CFAP299: variants seen among roughly 807,000 people sequenced by gnomAD.
CFAP299 encodes the protein cilia- and flagella-associated protein 299.
Under a neutral mutation model 27.0 loss-of-function variants are expected in CFAP299, and 21 were observed. That is an observed-to-expected ratio of 0.78 (90% confidence interval 0.55 to 1.12). CFAP299 has a LOEUF of 1.12. Ranked by LOEUF, CFAP299 falls within the 50% of genes most tolerant of loss-of-function variation. The probability of loss-of-function intolerance (pLI) is 0.00; values close to 1 mark genes in which losing one functional copy is unlikely to be tolerated. For missense variants in CFAP299, 310 were observed against 276.6 expected, an observed-to-expected ratio of 1.12 and a Z score of -0.86; for synonymous variants, 104 against 98.1, an observed-to-expected ratio of 1.06 and a Z score of -0.36.
At chr4:80,558,231 G>T (rs961798737) in intron 2 of CFAP299, among the ~76,000 whole-genome samples, 16 of 151,858 alleles carry the variant, frequency 1.1e-4, no homozygotes, top group African/African-American at 3.9e-4. Context: ...TAATTAAATT[G>T]AATTACCTTG....
intron 3 of CFAP299, among the ~76,000 whole-genome samples, chr4:80,816,366 A>T (rs1578151511): frequency 1.3e-5 from 2 of 152,282 alleles, no homozygotes; most frequent in South Asian, 4.1e-4. Flanking sequence ...TTTCTTCAGC[A>T]GTAAAGGAAA....
At chr4:80,415,856 G>A (rs551024733) in intron 2 of CFAP299, among the ~76,000 whole-genome samples, 3 of 152,242 alleles carry the variant, frequency 2.0e-5, no homozygotes, top group African/African-American at 7.2e-5. Context: ...GAAAAGCTAT[G>A]TTTAAAAGTC....
intron 3 of CFAP299, among the ~76,000 whole-genome samples, chr4:80,668,217 A>G (rs1741244871): frequency 6.6e-6 from 1 of 151,792 alleles, no homozygotes; most frequent in Non-Finnish European, 1.5e-5. Context: ...ATTTCTTGTC[A>G]GATGGATAGG....
rs74380157 is a variant in CFAP299, at chr4:80,615,095, A to G, written c.333+31912A>G. On this transcript the variant is annotated intron_variant, in intron 3 of 5. Transcript: ENST00000358105. ...TGATGTATTTTATTTGAAAATTTCT[A>G]TATTTTATTACATTAACTCTTTATG... Among the ~76,000 whole-genome samples, 119 of 152,278 alleles carry G rather than the reference A, an allele frequency of 7.8e-4. 1 individual carries two copies. The East Asian group carries it at 0.018, about 23-fold the overall frequency.
chr4:80,617,369 C>T (rs1738344807), intron 3 of CFAP299, among the ~76,000 whole-genome samples: 1 of 152,134 alleles, frequency 6.6e-6, no homozygotes, highest in Non-Finnish European at 1.5e-5. Context: ...AGCTTGACCA[C>T]CAGCCCCAGC....
intron 2 of CFAP299, among the ~76,000 whole-genome samples, chr4:80,402,984 G>A (rs566969832): frequency 2.6e-5 from 4 of 152,310 alleles, no homozygotes; most frequent in Admixed American, 6.5e-5. Flanking sequence ...TAGGAGATTA[G>A]GCAATGGAGC....
At chr4:80,737,237 G>A (rs546131032) in intron 3 of CFAP299, among the ~76,000 whole-genome samples, 10 of 151,352 alleles carry the variant, frequency 6.6e-5, no homozygotes, top group South Asian at 2.1e-4. Context: ...TGGGTGCAGC[G>A]CACCAGCATG....
chr4:80,330,953 G>A (rs758924205), upstream of CFAP299, among the ~76,000 whole-genome samples: 3 of 152,144 alleles, frequency 2.0e-5, no homozygotes, highest in Admixed American at 6.5e-5. Flanking sequence ...TTGCCTTTAT[G>A]TTCATAGATT....
chr4:80,332,957 A>G (rs1181801731), upstream of CFAP299, among the ~76,000 whole-genome samples: 3 of 152,110 alleles, frequency 2.0e-5, no homozygotes, highest in Non-Finnish European at 2.9e-5. Context: ...CTCTGTTCCA[A>G]AGTGGTGGTT....
At chr4:80,459,238 C>T (rs1015576924) in intron 2 of CFAP299, among the ~76,000 whole-genome samples, 4 of 152,198 alleles carry the variant, frequency 2.6e-5, no homozygotes, top group African/African-American at 7.2e-5. Flanking sequence ...AGTCCTCCCA[C>T]TTAGGCCTCC....
intron 1 of CFAP299, among the ~76,000 whole-genome samples, chr4:80,357,808 AT>A (rs566287307): frequency 1.6e-4 from 24 of 151,284 alleles, no homozygotes; most frequent in African/African-American, 5.1e-4. Context: ...GATCTTTTGA[AT>A]TTTTTTTGTG....
chr4:80,626,180 C>T (rs921214185), intron 3 of CFAP299, among the ~76,000 whole-genome samples: 3 of 151,920 alleles, frequency 2.0e-5, no homozygotes, highest in Admixed American at 1.3e-4. Context: ...AGGTTGAAAT[C>T]ATATCAAGTA....
intron 4 of CFAP299, among the ~76,000 whole-genome samples, chr4:80,878,622 G>GT (rs916914807): frequency 2.0e-5 from 3 of 151,824 alleles, no homozygotes; most frequent in African/African-American, 4.8e-5. Flanking sequence ...TTGTTTTTCT[G>GT]TTTTTTTCTT....
At chr4:80,383,276 A>G (rs1724804755) in intron 2 of CFAP299, among the ~76,000 whole-genome samples, 2 of 151,726 alleles carry the variant, frequency 1.3e-5, no homozygotes, top group South Asian at 4.4e-4. Flanking sequence ...TCTGTATATC[A>G]GACCCCTGTG....
intron 1 of CFAP299, among the ~76,000 whole-genome samples, chr4:80,344,183 CT>C (rs1159123481): frequency 1.3e-5 from 2 of 151,764 alleles, no homozygotes; most frequent in African/African-American, 4.8e-5. Flanking sequence ...ATGAACAACT[CT>C]TCAAAAAAAT....
intron 2 of CFAP299, among the ~76,000 whole-genome samples, chr4:80,438,840 C>A (rs889682391): frequency 6.6e-6 from 1 of 152,132 alleles, no homozygotes; most frequent in African/African-American, 2.4e-5. Flanking sequence ...AGTGATTTGT[C>A]TACTCATTTC....
intron 3 of CFAP299, among the ~76,000 whole-genome samples, chr4:80,642,673 A>T (rs1301757939): frequency 2.0e-5 from 3 of 152,140 alleles, no homozygotes; most frequent in Non-Finnish European, 4.4e-5. Context: ...CTGAGGCAGG[A>T]GAATCACTTG....
intron 4 of CFAP299, among the ~76,000 whole-genome samples, chr4:80,889,011 CAAAAAAA>C (rs35328435): frequency 3.6e-4 from 19 of 52,716 alleles, no homozygotes; most frequent in Admixed American, 2.3e-3. Context: ...AGTGCCTAAG[CAAAAAAA>C]AAAAAAAAAA....
At chr4:80,453,466 A>T (rs974458255) in intron 2 of CFAP299, among the ~76,000 whole-genome samples, 1 of 152,174 alleles carries the variant, frequency 6.6e-6, no homozygotes, top group South Asian at 2.1e-4. Context: ...GTGGCATGGT[A>T]ATGTAAATTT....
Sources: gnomAD v4.1 joint callset for allele counts (sites outside exome capture counted in the v4.1 genomes callset) on GRCh38, gnomAD v4.1.1 for gene constraint, MANE v1.5 for transcripts, NCBI Gene and HGNC (gene_info 2026-07-23, HGNC 2026-07-21) for gene names.